RFTN1: variants seen among roughly 807,000 people sequenced by gnomAD.
The protein encoded by RFTN1 is raftlin, lipid raft linker 1.
Under a neutral mutation model 46.5 loss-of-function variants are expected in RFTN1, and 26 were observed. That is an observed-to-expected ratio of 0.56 (90% CI 0.41 to 0.78). The LOEUF (loss-of-function observed/expected upper bound fraction) is 0.78, where lower values mean the gene tolerates loss of function less well. Ranked by LOEUF, RFTN1 falls within the 30% of genes least tolerant of loss-of-function variation. RFTN1 has a pLI of 0.00. For synonymous variants in RFTN1, 261 were observed against 284.2 expected, an observed-to-expected ratio of 0.92 and a Z score of 0.82; for missense variants, 693 against 718.7, an observed-to-expected ratio of 0.96 and a Z score of 0.41.
rs1284748317 is a variant in RFTN1 at position 16,351,915 on chromosome 3, C to T, written c.1146+6017G>A. Among the ~76,000 whole-genome samples the T allele has an allele frequency of 2.0e-5, 3 of 152,094 alleles. No individual in the cohort carries two copies. The highest frequency in any genetic ancestry group is 2.9e-5 in the Non-Finnish European group (2 of 68,022). The stretch of plus-strand genomic sequence containing the variant: ...ATCATGAAAACATGGATTCTGCAGT[C>T]AGATTCCATTGATATTTTAAAGAAA... On this transcript the variant is annotated intron_variant, in intron 7 of 9. Coordinates refer to ENST00000334133, the MANE Select transcript of RFTN1 (RefSeq NM_015150.2). The surrounding 1 kb of genome is among the most constrained non-coding windows in gnomAD (Gnocchi z 5.4).
At position 16,358,455 on chromosome 3, in the gene RFTN1, T is replaced by C. The variant is rs55980664; in HGVS notation, c.1031-408A>G. ...GTTTTTTTTTTCTTTTTTCTTTTTT[T>C]TTAAAGGGAAGAGATATAACACACC... On this transcript the variant is annotated intron_variant, in intron 6 of 9. Transcript: ENST00000334133. Among the ~76,000 whole-genome samples the C allele has an allele frequency of 5.4e-5, 8 of 146,846 alleles. No homozygotes were observed. In the South Asian group the frequency reaches 6.8e-4, roughly 12 times the overall value.
At chr3:16,358,908 T>C (rs946546127) in intron 6 of RFTN1, among the ~76,000 whole-genome samples, 24 of 151,490 alleles carry the variant, frequency 1.6e-4, no homozygotes, top group Admixed American at 2.0e-4. Context: ...AGGGTATGGC[T>C]GTAATCCCAG....
At chr3:16,470,380 T>C (rs1194525782) in intron 2 of RFTN1, among the ~76,000 whole-genome samples, 1 of 152,180 alleles carries the variant, frequency 6.6e-6, no homozygotes, top group African/African-American at 2.4e-5. Flanking sequence ...CGAGGTTTTG[T>C]CTCTGATGGC....
intron 6 of RFTN1, among the ~76,000 whole-genome samples, chr3:16,362,665 T>TA: frequency 6.6e-6 from 1 of 152,304 alleles, no homozygotes; most frequent in Admixed American, 6.5e-5. Flanking sequence ...AAAAATAAGT[T>TA]ATATCAAATT....
At position 16,358,102 on chromosome 3, in the gene RFTN1, G is replaced by C. The variant is rs1169871402; in HGVS notation, c.1031-55C>G. 6.2e-6 allele frequency: 6 copies of C among 969,456 alleles called. No individual in the cohort carries two copies. In the Admixed American group the frequency reaches 1.0e-4, roughly 17 times the overall value. 60.1% of individuals were successfully genotyped at this position (969,456 alleles called of 1,614,324 possible). ...GGGGGTCTGTAAACCGTCTGTGGCA[G>C]AAGTCTTCTAAGCAGCAAACATTTC... is the stretch of plus-strand genomic sequence containing the variant. On this transcript the variant is annotated intron_variant, in intron 6 of 9. Transcript: ENST00000334133.
rs1333235276 is a variant in RFTN1, at chr3:16,351,520, G to A, written c.1146+6412C>T. On this transcript the variant is annotated intron_variant, in intron 7 of 9. Transcript: ENST00000334133. The surrounding 1 kb of genome is among the most constrained non-coding windows in gnomAD (Gnocchi z 5.4). Reference sequence around the variant, plus strand: ...AGAGCCTCATGACAAAGTCTGCGGGGTTGCAGAGGCTGTAATGATACCCTA... The same window carrying A: ...AGAGCCTCATGACAAAGTCTGCGGGATTGCAGAGGCTGTAATGATACCCTA... 2.6e-5 allele frequency among the ~76,000 whole-genome samples: 4 copies of A among 152,208 alleles called. No individual in the cohort carries two copies. The highest frequency in any genetic ancestry group is 2.6e-4 in the Admixed American group (4 of 15,288).
In RFTN1 at chr3:16,327,522, G is replaced by A. The variant is rs890357936; in HGVS notation, c.1147-646C>T. On this transcript the variant is annotated intron_variant, in intron 7 of 9. Transcript: ENST00000334133. The surrounding 1 kb of genome is among the most constrained non-coding windows in gnomAD (Gnocchi z 4.2). ...CGTCTGTAATCCCAGCACTTTGGGA[G>A]GCTGAGGCAGGTGGATCACATGGTC... Among the ~76,000 whole-genome samples, 1 of 152,150 alleles carries A rather than the reference G, an allele frequency of 6.6e-6. No individual in the cohort carries two copies.
chr3:16,409,419 C>A lies in RFTN1; in HGVS notation c.397G>T (p.Asp133Tyr). The change falls in exon 4 of 10, where the codon GAC becomes TAC. Residue 133 changes from aspartate (D) to tyrosine (Y), a missense_variant. Physicochemically the swap from Asp to Tyr is radical, Grantham distance 160 (BLOSUM62 -3). Transcript: ENST00000334133. ...ILELDCCSSL[D>Y]HPTDQKLIPE... is the part of the protein sequence containing the mutation. ...ATGAGTTTCTGGTCTGTCGGGTGGT[C>A]TAAGGAGGAACAGCAATCTAATTCC... 1 of 1,613,774 alleles carries A rather than the reference C, an allele frequency of 6.2e-7. No homozygotes were observed. Among genetic ancestry groups the A allele is most frequent in the South Asian group, 1.1e-5 (1 of 91,062 alleles).
At chr3:16,328,002 C>G (rs1480606940) in intron 7 of RFTN1, among the ~76,000 whole-genome samples, 1 of 152,214 alleles carries the variant, frequency 6.6e-6, no homozygotes, top group Non-Finnish European at 1.5e-5. Context: ...AAATCTCAAA[C>G]ATGTATCCAG....
intron 2 of RFTN1, among the ~76,000 whole-genome samples, chr3:16,487,176 C>A (rs1055983289): frequency 6.6e-6 from 1 of 152,190 alleles, no homozygotes; most frequent in Non-Finnish European, 1.5e-5. Context: ...TATGGCAGCC[C>A]GAGCTGACTA....
At chr3:16,469,748 C>T (rs1235603998) in intron 2 of RFTN1, among the ~76,000 whole-genome samples, 9 of 152,238 alleles carry the variant, frequency 5.9e-5, no homozygotes, top group Admixed American at 5.9e-4. Context: ...GAACATGAAG[C>T]TACTTCTTTT....
At chr3:16,328,962 GAAGGA>G (rs2070011733) in intron 7 of RFTN1, among the ~76,000 whole-genome samples, 1 of 152,252 alleles carries the variant, frequency 6.6e-6, no homozygotes, top group African/African-American at 2.4e-5. Flanking sequence ...GGGGAGAAAA[GAAGGA>G]AAGTGCTAAG....
rs553648133 is a variant in RFTN1, at chr3:16,473,409, T to C, written c.145+20316A>G. ...CTGTTTTCTTTCTTTTTTCTTTTTTTTTTTTTCCTGAGATAGAGTCTGGCT... is the reference window on the plus strand; with the variant it reads ...CTGTTTTCTTTCTTTTTTCTTTTTTCTTTTTTCCTGAGATAGAGTCTGGCT... On this transcript the variant is annotated intron_variant, in intron 2 of 9. Coordinates refer to ENST00000334133, the MANE Select transcript of RFTN1 (RefSeq NM_015150.2). The surrounding 1 kb of genome is among the most constrained non-coding windows in gnomAD (Gnocchi z 5.3). Among the ~76,000 whole-genome samples, 38 of 151,966 alleles carry C rather than the reference T, an allele frequency of 2.5e-4. No homozygotes were observed. The East Asian group carries it at 2.7e-3, about 11-fold the overall frequency.
rs371381846 is a variant in RFTN1, at chr3:16,440,396, G to A, written c.146-6359C>T. Among the ~76,000 whole-genome samples, 100 of 152,162 alleles carry A rather than the reference G, an allele frequency of 6.6e-4. No individual in the cohort carries two copies. The highest frequency in any genetic ancestry group is 1.1e-3 in the Non-Finnish European group (75 of 68,020). ...ATTTTTGTATTTTTAGTAGAGTCAG[G>A]GTTTCACTATGTTGGCCAGGCTGGT... is the stretch of plus-strand genomic sequence containing the variant. On this transcript the variant is annotated intron_variant, in intron 2 of 9. Coordinates refer to ENST00000334133, the MANE Select transcript of RFTN1 (RefSeq NM_015150.2). This position sits in a 1 kb window ranked among gnomAD's most constrained non-coding sequence, Gnocchi z 4.6.
intron 4 of RFTN1, among the ~76,000 whole-genome samples, chr3:16,398,773 C>T (rs1020050183): frequency 3.3e-5 from 5 of 152,188 alleles, no homozygotes; most frequent in Non-Finnish European, 5.9e-5. Context: ...GGAAAGTCAC[C>T]TTGAGATGAC....
At chr3:16,325,226 C>T (rs1045569018) in intron 8 of RFTN1, among the ~76,000 whole-genome samples, 1 of 152,212 alleles carries the variant, frequency 6.6e-6, no homozygotes, top group African/African-American at 2.4e-5. Flanking sequence ...CCAACTACCA[C>T]TTTTATAGAA....
In RFTN1 at chr3:16,429,084, T is replaced by C. The variant is rs184778682; in HGVS notation, c.332+4767A>G. ...CATTCTTGAGTCAAAGTAACTTGAGTCAAAGTAACTGACTTGACTAAATTC... is the reference window on the plus strand; with the variant it reads ...CATTCTTGAGTCAAAGTAACTTGAGCCAAAGTAACTGACTTGACTAAATTC... On this transcript the variant is annotated intron_variant, in intron 3 of 9. Transcript: ENST00000334133. The surrounding 1 kb of genome is among the most constrained non-coding windows in gnomAD (Gnocchi z 6.4). Among the ~76,000 whole-genome samples the C allele has an allele frequency of 3.2e-3, 495 of 152,348 alleles. 8 individuals are homozygous for C. Among genetic ancestry groups the C allele is most frequent in the Non-Finnish European group, 2.8e-3 (190 of 68,032 alleles).
chr3:16,433,907 C>T lies in RFTN1; in HGVS notation c.276G>A (p.Arg92=), dbSNP rs73816455. The T allele has an allele frequency of 5.7e-4, 922 of 1,614,202 alleles. 4 individuals carry two copies. The African/African-American group carries it at 0.01, about 18-fold the overall frequency. The change falls in exon 3 of 10, where the codon CGG becomes CGA. Residue 92 remains arginine, a synonymous_variant. Transcript: ENST00000334133. This position sits in a 1 kb window ranked among gnomAD's most constrained non-coding sequence, Gnocchi z 4.4. ...LHPFVQPTHE[R]EKTPLEHIFR... ...AGATGTGCTCCAGGGGCGTCTTCTC[C>T]CGCTCATGGGTGGGCTGCACGAAGG...
rs2074096343 is a variant in RFTN1 at position 16,384,402 on chromosome 3, C to G, written c.442-6300G>C. ...GAAATAAAAGTTCGGTACAGGCTCC[C>G]AAATGACAGTGAGCCCCAAACAGAA... On this transcript the variant is annotated intron_variant, in intron 4 of 9. Transcript: ENST00000334133. This position sits in a 1 kb window ranked among gnomAD's most constrained non-coding sequence, Gnocchi z 4.7. Among the ~76,000 whole-genome samples, 1 of 152,158 alleles carries G rather than the reference C, an allele frequency of 6.6e-6. No individual in the cohort carries two copies. The highest frequency in any genetic ancestry group is 1.5e-5 in the Non-Finnish European group (1 of 68,018).
Sources: gnomAD v4.1 joint callset for allele counts (sites outside exome capture counted in the v4.1 genomes callset) on GRCh38, gnomAD v4.1.1 for gene constraint, Gnocchi (gnomAD v3.1) non-coding constraint, MANE v1.5 for transcripts, NCBI Gene and HGNC (gene_info 2026-07-23, HGNC 2026-07-21) for gene names.